The following TRHDE variants were observed in gnomAD, a reference collection of about 807,000 sequenced individuals.
The protein encoded by TRHDE is thyrotropin releasing hormone degrading enzyme.
In TRHDE, 72 loss-of-function variants were observed where a neutral mutation model predicts 125.7. That is an observed-to-expected ratio of 0.57 (90% CI 0.47 to 0.70). The LOEUF (loss-of-function observed/expected upper bound fraction) is 0.70, where lower values mean the gene tolerates loss of function less well. Ranked by LOEUF, TRHDE falls within the 30% of genes least tolerant of loss-of-function variation. TRHDE has a pLI of 0.00. For synonymous variants in TRHDE, 509 were observed against 509.1 expected (o/e 1.00, Z 0.00); for missense variants, 1,110 against 1,327.1 (o/e 0.84, Z 2.54).
chr12:72,289,205 G>A, intron 2 of TRHDE, among the ~76,000 whole-genome samples: 1 of 152,074 alleles, frequency 6.6e-6, no homozygotes, highest in South Asian at 2.1e-4. Context: ...CAGATCAGAA[G>A]CTGAAGCAAT....
Position 72,510,597 on chromosome 12 carries a change from T to C in TRHDE, c.1722+10962T>C, listed in dbSNP as rs980652133. Among the ~76,000 whole-genome samples the C allele has an allele frequency of 1.0e-3, 155 of 152,186 alleles. 4 individuals are homozygous for C. The highest frequency in any genetic ancestry group is 0.01 in the Admixed American group (155 of 15,268). The stretch of plus-strand genomic sequence containing the variant: ...ACTCATGCTTTTCATTCTGCCAGGA[T>C]TCTTGTCTATTGTGCCATTGTTTAA... On this transcript the variant is annotated intron_variant, in intron 6 of 18. Coordinates refer to ENST00000261180, the MANE Select transcript of TRHDE (RefSeq NM_013381.3).
At chr12:72,582,308 T>C in intron 12 of TRHDE, 1 of 984,828 alleles carries the variant, frequency 1.0e-6, no homozygotes, top group Non-Finnish European at 1.2e-6. Context: ...AAGAAGAAAA[T>C]TATGAGAACA....
At chr12:72,292,861 G>A (rs573054983) in intron 2 of TRHDE, among the ~76,000 whole-genome samples, 189 of 152,254 alleles carry the variant, frequency 1.2e-3, no homozygotes, top group African/African-American at 4.1e-3. Context: ...TGAAAATGTA[G>A]CAACAAAAAG....
chr12:72,627,266 C>T (rs1474428135), intron 15 of TRHDE, among the ~76,000 whole-genome samples: 2 of 151,932 alleles, frequency 1.3e-5, no homozygotes, highest in African/African-American at 4.8e-5. Context: ...ATTTCACACT[C>T]ACTCAATATA....
intron 5 of TRHDE, among the ~76,000 whole-genome samples, chr12:72,492,566 C>CT (rs1334344275): frequency 6.6e-6 from 1 of 151,806 alleles, no homozygotes. Flanking sequence ...AATATATTTA[C>CT]TTTTTTTCAA....
At chr12:72,388,948 A>G (rs1471703546) in intron 3 of TRHDE, among the ~76,000 whole-genome samples, 1 of 151,678 alleles carries the variant, frequency 6.6e-6, no homozygotes, top group Non-Finnish European at 1.5e-5. Context: ...TGTAGATTTG[A>G]CAAACATCTA....
intron 12 of TRHDE, among the ~76,000 whole-genome samples, chr12:72,584,401 T>C (rs1871361127): frequency 6.6e-6 from 1 of 152,204 alleles, no homozygotes; most frequent in Non-Finnish European, 1.5e-5. Flanking sequence ...ATTTTTGTGA[T>C]GAGAACACAA....
rs144484536 is a variant in TRHDE, at chr12:72,446,734, G to A, written c.1316-23024G>A. Among the ~76,000 whole-genome samples, 10 of 152,042 alleles carry A rather than the reference G, an allele frequency of 6.6e-5. No individual in the cohort carries two copies. The East Asian group carries it at 1.9e-3, about 29-fold the overall frequency. ...CAATCCTAGTCTCTGATAAAACACAGTTTAAACCAACGAAGATCAAAAGAG... is the reference window on the plus strand; with the variant it reads ...CAATCCTAGTCTCTGATAAAACACAATTTAAACCAACGAAGATCAAAAGAG... On this transcript the variant is annotated intron_variant, in intron 3 of 18. Transcript: ENST00000261180.
chr12:72,489,325 A>G (rs1877556389), intron 5 of TRHDE, among the ~76,000 whole-genome samples: 1 of 151,688 alleles, frequency 6.6e-6, no homozygotes, highest in Admixed American at 6.6e-5. Flanking sequence ...GTTTGAACAG[A>G]TAACTCAGAA....
Position 72,668,916 on chromosome 12 carries a change from A to C in TRHDE, c.*5721A>C, listed in dbSNP as rs1875183842. 6.6e-6 allele frequency: 1 copy of C among 151,846 alleles called. No homozygotes were observed. Among genetic ancestry groups the C allele is most frequent in the South Asian group, 2.1e-4 (1 of 4,824 alleles). The allele number at this position is 151,846 out of a possible 1,614,324, so 9.4% of individuals were successfully genotyped here. On this transcript the variant is annotated 3_prime_UTR_variant, in exon 19 of 19. Transcript: ENST00000261180. Reference sequence around the variant, plus strand: ...CAGACCATTCTCTATAGCAGATTTGAATAGGTACTTAGCACACTTTATCAT... The same window carrying C: ...CAGACCATTCTCTATAGCAGATTTGCATAGGTACTTAGCACACTTTATCAT...
At chr12:72,309,442 TC>T (rs1868436074) in intron 2 of TRHDE, among the ~76,000 whole-genome samples, 2 of 151,416 alleles carry the variant, frequency 1.3e-5, no homozygotes, top group Non-Finnish European at 2.9e-5. Flanking sequence ...TGAAAGAGGG[TC>T]CCCAGAGAGA....
intron 6 of TRHDE, among the ~76,000 whole-genome samples, chr12:72,517,204 G>A (rs2135956647): frequency 6.6e-6 from 1 of 151,420 alleles, no homozygotes; most frequent in East Asian, 1.9e-4. Flanking sequence ...GATTGGAATA[G>A]TTTCAGAAGG....
chr12:72,634,781 T>G (rs1346362354), intron 15 of TRHDE, among the ~76,000 whole-genome samples: 1 of 151,456 alleles, frequency 6.6e-6, no homozygotes, highest in African/African-American at 2.4e-5. Context: ...GATAGTTTAC[T>G]GAGAATGATG....
At chr12:72,219,761 T>G (rs2628426) in intron 2 of TRHDE, among the ~76,000 whole-genome samples, 115,456 of 152,112 alleles carry the variant, frequency 0.76, 44,124 homozygotes, top group Non-Finnish European at 0.79. Flanking sequence ...TGGTATTTAT[T>G]TCATGTGTGT....
chr12:72,191,066 A>ATT (rs1877328175), intron 2 of TRHDE, among the ~76,000 whole-genome samples: 1 of 152,226 alleles, frequency 6.6e-6, no homozygotes, highest in Non-Finnish European at 1.5e-5. Context: ...TCTATACAAC[A>ATT]TTGAGCCAGA....
Position 72,273,087 on chromosome 12 carries a change from C to CG in TRHDE, c.448dup (p.Asp150GlyfsTer119), listed in dbSNP as rs1472217707. 6.6e-7 allele frequency: 1 copy of CG among 1,524,272 alleles called. No homozygotes were observed. Among genetic ancestry groups the CG allele is most frequent in the Admixed American group, 2.0e-5 (1 of 50,906 alleles). The allele number at this position is 1,524,272 out of a possible 1,614,324, so 94.4% of individuals were successfully genotyped here. A position where few individuals can be genotyped will look rare whatever the true frequency, so the allele number is the denominator to read the frequency against. ...CGGCCCGGCGCAACCACCACGCAGG[C>CG]GGGGACTCCTGGCAGCCCGAGGCGG... On this transcript the variant is annotated frameshift_variant, in exon 1 of 19. Coordinates refer to ENST00000261180, the MANE Select transcript of TRHDE (RefSeq NM_013381.3). LOFTEE classifies it high-confidence loss of function. This position sits in a 1 kb window ranked among gnomAD's most constrained non-coding sequence, Gnocchi z 5.3.
intron 2 of TRHDE, among the ~76,000 whole-genome samples, chr12:72,122,937 G>T (rs186076965): frequency 6.6e-6 from 1 of 151,980 alleles, no homozygotes; most frequent in Non-Finnish European, 1.5e-5. Flanking sequence ...AAAAGTGAAA[G>T]CTAACAACAA....
At chr12:72,535,578 CTCTT>C (rs1271040137) in intron 6 of TRHDE, among the ~76,000 whole-genome samples, 15 of 152,016 alleles carry the variant, frequency 9.9e-5, no homozygotes, top group African/African-American at 3.4e-4. Flanking sequence ...GTTCTATCCT[CTCTT>C]TCTGCCTTTC....
At chr12:72,426,853 T>C (rs1422393765) in intron 3 of TRHDE, among the ~76,000 whole-genome samples, 1 of 152,088 alleles carries the variant, frequency 6.6e-6, no homozygotes, top group Non-Finnish European at 1.5e-5. Context: ...ACTCCATTTG[T>C]TGTTTTTGTT....
Sources: allele counts gnomAD v4.1 joint callset (sites outside exome capture counted in the v4.1 genomes callset), GRCh38; gene constraint gnomAD v4.1.1; non-coding constraint Gnocchi (gnomAD v3.1); transcripts MANE v1.5; gene names NCBI Gene and HGNC (gene_info 2026-07-23, HGNC 2026-07-21).